Variants in GOLGA4 observed in about 807,000 individuals in gnomAD.
GOLGA4 encodes the protein golgin subfamily A member 4.
In GOLGA4, 169 loss-of-function variants were observed where a neutral mutation model predicts 265.9. That is an observed-to-expected ratio of 0.64 (90% CI 0.56 to 0.72). The LOEUF (loss-of-function observed/expected upper bound fraction) is 0.72, where lower values mean the gene tolerates loss of function less well. Ranked by LOEUF, GOLGA4 falls within the 30% of genes least tolerant of loss-of-function variation. The pLI, the probability that GOLGA4 is intolerant of heterozygous loss-of-function variation, is 0.00. For synonymous variants in GOLGA4, 923 were observed against 855.8 expected (o/e 1.08, Z -1.37); for missense variants, 2,482 against 2,483.4 (o/e 1.00, Z 0.01).
At chr3:37,288,594 A>G (rs2096856591) in intron 4 of GOLGA4, among the ~76,000 whole-genome samples, 1 of 151,230 alleles carries the variant, frequency 6.6e-6, no homozygotes, top group African/African-American at 2.4e-5. Context: ...CTCCTGCCTC[A>G]GCCTCCTGAG....
chr3:37,244,362 C>T lies in GOLGA4; in HGVS notation c.72+740C>T, dbSNP rs367999806. Among the ~76,000 whole-genome samples, 178 of 152,256 alleles carry T rather than the reference C, an allele frequency of 1.2e-3. 8 individuals are homozygous for T. In the South Asian group the frequency reaches 0.036, roughly 31 times the overall value. Reference sequence around the variant, plus strand: ...TTGCTGCTCTGCGGACAGGGTTATGCTTGTTTTTCAGGAATGCTGTTGCTT... The same window carrying T: ...TTGCTGCTCTGCGGACAGGGTTATGTTTGTTTTTCAGGAATGCTGTTGCTT... On this transcript the variant is annotated intron_variant, in intron 1 of 23. Transcript: ENST00000361924.
intron 1 of GOLGA4, among the ~76,000 whole-genome samples, chr3:37,247,965 T>A (rs1304022527): frequency 1.3e-5 from 2 of 152,198 alleles, no homozygotes; most frequent in African/African-American, 2.4e-5. Context: ...CCCATCCAGG[T>A]AATCTTTTGA....
At chr3:37,265,390 A>C (rs1316911904) in intron 2 of GOLGA4, among the ~76,000 whole-genome samples, 2 of 152,184 alleles carry the variant, frequency 1.3e-5, no homozygotes, top group African/African-American at 4.8e-5. Context: ...TTTAGAGAAA[A>C]ATAATGTGGT....
intron 22 of GOLGA4, among the ~76,000 whole-genome samples, chr3:37,356,220 C>T (rs896689185): frequency 3.9e-5 from 6 of 152,072 alleles, no homozygotes; most frequent in Middle Eastern, 3.2e-3. Context: ...TTCCTCCTCC[C>T]GGCTAAATAA....
intron 10 of GOLGA4, among the ~76,000 whole-genome samples, chr3:37,308,489 G>A (rs1007973901): frequency 1.3e-5 from 2 of 151,714 alleles, no homozygotes; most frequent in Non-Finnish European, 2.9e-5. Flanking sequence ...CTCTAGACTA[G>A]TAGCTTTCAG....
chr3:37,309,271 A>G (rs2096916257), intron 10 of GOLGA4, among the ~76,000 whole-genome samples: 1 of 149,514 alleles, frequency 6.7e-6, no homozygotes, highest in Non-Finnish European at 1.5e-5. Flanking sequence ...AATAACAATT[A>G]TAGGCCGGGC....
At chr3:37,329,379 C>A (rs896880261) in intron 16 of GOLGA4, 2 of 188,480 alleles carry the variant, frequency 1.1e-5, no homozygotes, top group South Asian at 1.5e-4. Context: ...TCTTTCCCAT[C>A]TGCCTCACAG....
intron 11 of GOLGA4, among the ~76,000 whole-genome samples, chr3:37,316,045 A>G (rs2096936752): frequency 6.6e-6 from 1 of 152,244 alleles, no homozygotes; most frequent in Admixed American, 6.5e-5. Flanking sequence ...TAATATAGAT[A>G]GACCTCACTT....
intron 23 of GOLGA4, among the ~76,000 whole-genome samples, chr3:37,363,283 T>TATA (rs541718429): frequency 8.9e-4 from 136 of 152,368 alleles, no homozygotes; most frequent in African/African-American, 3.2e-3. Flanking sequence ...CTGTAAATTC[T>TATA]ATAGCTAACC....
chr3:37,338,038 A>G (rs1159786686), intron 19 of GOLGA4, among the ~76,000 whole-genome samples: 1 of 152,216 alleles, frequency 6.6e-6, no homozygotes, highest in Non-Finnish European at 1.5e-5. Flanking sequence ...CGGAGAGAAA[A>G]TAGTCATCTA....
chr3:37,276,526 C>G (rs757596710), intron 2 of GOLGA4: 101 of 1,604,194 alleles, frequency 6.3e-5, no homozygotes, highest in Non-Finnish European at 8.2e-5. Context: ...AGGTACAAAC[C>G]CGTAGTGCTG....
intron 2 of GOLGA4, among the ~76,000 whole-genome samples, chr3:37,274,902 A>G (rs996870014): frequency 1.3e-5 from 2 of 151,998 alleles, no homozygotes; most frequent in Non-Finnish European, 2.9e-5. Flanking sequence ...TAGACAAAAC[A>G]TTCGGAAGTA....
chr3:37,289,211 CT>C (rs754229113), intron 4 of GOLGA4, 23 bp from the exon 5 acceptor site: 35 of 1,441,424 alleles, frequency 2.4e-5, no homozygotes, highest in Admixed American at 6.0e-5. Context: ...GTTTAACCAG[CT>C]TTTTTTTCTC....
intron 2 of GOLGA4, among the ~76,000 whole-genome samples, chr3:37,263,591 A>G (rs1300912405): frequency 2.6e-5 from 4 of 152,168 alleles, no homozygotes; most frequent in Admixed American, 2.6e-4. Context: ...ACACTCTCAT[A>G]TATGTATGTG....
chr3:37,259,359 T>C (rs1022453716), intron 2 of GOLGA4, among the ~76,000 whole-genome samples: 6 of 152,264 alleles, frequency 3.9e-5, no homozygotes, highest in African/African-American at 1.4e-4. Context: ...ATTAGGAATG[T>C]AGTTTTTGTA....
chr3:37,334,548 T>A (rs1415927445), intron 16 of GOLGA4, among the ~76,000 whole-genome samples: 1 of 152,140 alleles, frequency 6.6e-6, no homozygotes, highest in Non-Finnish European at 1.5e-5. Flanking sequence ...CTGTGATCAG[T>A]AAATTGCCAT....
chr3:37,248,374 C>T (rs1359408871), intron 1 of GOLGA4, among the ~76,000 whole-genome samples: 3 of 152,122 alleles, frequency 2.0e-5, no homozygotes, highest in Non-Finnish European at 4.4e-5. Context: ...ATGTAGCTGT[C>T]AGGTTTTTTG....
At chr3:37,281,933 A>G (rs1052310051) in intron 2 of GOLGA4, 25 bp from the exon 3 acceptor site, 2 of 1,560,072 alleles carry the variant, frequency 1.3e-6, no homozygotes, top group African/African-American at 1.4e-5. Context: ...TTTAATCCAC[A>G]CATTCTGTTG....
intron 20 of GOLGA4, among the ~76,000 whole-genome samples, chr3:37,345,326 G>A (rs760419513): frequency 1.3e-5 from 2 of 152,060 alleles, no homozygotes; most frequent in Non-Finnish European, 1.5e-5. Flanking sequence ...TATTTTAAAG[G>A]CATTATGCAT....
Sources: gnomAD v4.1 joint callset for allele counts (sites outside exome capture counted in the v4.1 genomes callset) on GRCh38, gnomAD v4.1.1 for gene constraint, MANE v1.5 for transcripts, NCBI Gene and HGNC (gene_info 2026-07-23, HGNC 2026-07-21) for gene names.